The following SEM1 variants were observed in gnomAD, a reference collection of about 807,000 sequenced individuals.
The protein encoded by SEM1 is SEM1 26S proteasome subunit.
SEM1 carries 3 observed loss-of-function variants against 12.7 expected under a neutral mutation model. The ratio of observed to expected loss-of-function variants is 0.24; its 90% CI spans 0.11 to 0.61. The LOEUF is 0.61. Ranked by LOEUF, SEM1 falls within the 20% of genes least tolerant of loss-of-function variation. The probability of loss-of-function intolerance (pLI) is 0.88; values close to 1 mark genes in which losing one functional copy is unlikely to be tolerated. For synonymous variants in SEM1, 30 were observed against 27.8 expected (o/e 1.08, Z -0.25); for missense variants, 59 against 81.3 (o/e 0.73, Z 1.06).
At chr7:96,703,654 T>C (rs1790341972) in intron 1 of SEM1, among the ~76,000 whole-genome samples, 1 of 151,996 alleles carries the variant, frequency 6.6e-6, no homozygotes, top group Non-Finnish European at 1.5e-5. Flanking sequence ...TTCCATTTTT[T>C]TTTTTTCTTT....
chr7:96,654,002 T>C (rs1809091005), intron 2 of SEM1, among the ~76,000 whole-genome samples: 1 of 152,224 alleles, frequency 6.6e-6, no homozygotes, highest in Non-Finnish European at 1.5e-5. Flanking sequence ...TACAGAGAGT[T>C]GTAAACATTC....
rs765525854 is a variant in SEM1 at position 96,680,468 on chromosome 7, CAG to C, written c.171-6611_171-6610del. Reference sequence around the variant, plus strand: ...GAAATACACAATGTTACATTGTAAACAGGGGTGTGCCGGCCCAGGCAAAGATG... The same window carrying C: ...GAAATACACAATGTTACATTGTAAACGGGTGTGCCGGCCCAGGCAAAGATG... On this transcript the variant is annotated intron_variant, in intron 2 of 2. Transcript: ENST00000413065. 2.6e-5 allele frequency among the ~76,000 whole-genome samples: 4 copies of C among 151,976 alleles called. No homozygotes were observed. In the East Asian group the frequency reaches 7.7e-4, roughly 29 times the overall value.
chr7:96,665,520 GAA>G (rs1369468008), intron 2 of SEM1, among the ~76,000 whole-genome samples: 3 of 152,160 alleles, frequency 2.0e-5, no homozygotes, highest in Non-Finnish European at 4.4e-5. Flanking sequence ...TTTATAAATA[GAA>G]AAATACTCTT....
intron 2 of SEM1, among the ~76,000 whole-genome samples, chr7:96,531,720 A>C (rs1055427445): frequency 6.6e-6 from 1 of 152,138 alleles, no homozygotes; most frequent in Non-Finnish European, 1.5e-5. Flanking sequence ...GAACATGTAG[A>C]TGCTCAGTGT....
chr7:96,528,956 A>G (rs535659581), intron 2 of SEM1, among the ~76,000 whole-genome samples: 1 of 152,156 alleles, frequency 6.6e-6, no homozygotes, highest in Non-Finnish European at 1.5e-5. Flanking sequence ...ATTTAATGCA[A>G]TTTACCCAAA....
downstream of SEM1, among the ~76,000 whole-genome samples, chr7:96,686,265 A>C (rs1489107652): frequency 1.3e-5 from 2 of 152,136 alleles, no homozygotes; most frequent in Non-Finnish European, 2.9e-5. Flanking sequence ...ATGTGTTTTT[A>C]TCATCCTGAT....
chr7:96,595,170 T>G (rs1485892405), intron 2 of SEM1, among the ~76,000 whole-genome samples: 1 of 152,176 alleles, frequency 6.6e-6, no homozygotes, highest in Non-Finnish European at 1.5e-5. Flanking sequence ...AATATTTTTT[T>G]TAATCAATGA....
chr7:96,675,637 A>G (rs968822980), intron 2 of SEM1, among the ~76,000 whole-genome samples: 6 of 152,168 alleles, frequency 3.9e-5, no homozygotes, highest in African/African-American at 1.2e-4. Flanking sequence ...GGAGGACACT[A>G]AGTGCCAGCT....
intron 2 of SEM1, among the ~76,000 whole-genome samples, chr7:96,603,160 C>T (rs1807242642): frequency 6.6e-6 from 1 of 152,150 alleles, no homozygotes. Context: ...ATATGCTGGG[C>T]TGCCTGGCTT....
At chr7:96,616,861 A>G (rs1471398530) in intron 2 of SEM1, among the ~76,000 whole-genome samples, 3 of 151,948 alleles carry the variant, frequency 2.0e-5, no homozygotes, top group South Asian at 4.1e-4. Context: ...TGTTGTAATT[A>G]TATGTCTTTA....
chr7:96,565,133 C>CT (rs1396003054), intron 2 of SEM1, among the ~76,000 whole-genome samples: 8 of 151,898 alleles, frequency 5.3e-5, no homozygotes, highest in African/African-American at 1.4e-4. Flanking sequence ...ATCTGGTGGC[C>CT]TTTAGGGTTT....
At chr7:96,661,177 C>T (rs1040145551) in intron 2 of SEM1, among the ~76,000 whole-genome samples, 1 of 152,076 alleles carries the variant, frequency 6.6e-6, no homozygotes, top group African/African-American at 2.4e-5. Context: ...GGATTCACAC[C>T]CAGGTAGTCT....
intron 2 of SEM1, among the ~76,000 whole-genome samples, chr7:96,577,453 T>A (rs1806244094): frequency 6.6e-6 from 1 of 152,034 alleles, no homozygotes; most frequent in African/African-American, 2.4e-5. Context: ...AAATTATTTA[T>A]AATTCATAAT....
At chr7:96,634,827 A>T (rs1808380766) in intron 2 of SEM1, among the ~76,000 whole-genome samples, 1 of 152,010 alleles carries the variant, frequency 6.6e-6, no homozygotes, top group Non-Finnish European at 1.5e-5. Flanking sequence ...TGTGAGGTTG[A>T]CAGGAGTTAG....
chr7:96,546,091 G>T (rs984049414), intron 2 of SEM1, among the ~76,000 whole-genome samples: 1 of 152,194 alleles, frequency 6.6e-6, no homozygotes, highest in Admixed American at 6.6e-5. Flanking sequence ...TGATTTCTTG[G>T]AGAGGGGGTT....
intron 2 of SEM1, among the ~76,000 whole-genome samples, chr7:96,590,678 A>G (rs1806801810): frequency 6.6e-6 from 1 of 152,240 alleles, no homozygotes; most frequent in Non-Finnish European, 1.5e-5. Context: ...GAAAACTAGC[A>G]ACATAATTTG....
chr7:96,552,304 T>G (rs1805307471), intron 2 of SEM1, among the ~76,000 whole-genome samples: 1 of 152,110 alleles, frequency 6.6e-6, no homozygotes, highest in East Asian at 1.9e-4. Flanking sequence ...ACTCGTCATC[T>G]AGCATTAGGT....
intron 2 of SEM1, among the ~76,000 whole-genome samples, chr7:96,617,461 A>G (rs1475065779): frequency 1.3e-5 from 2 of 152,162 alleles, no homozygotes; most frequent in African/African-American, 4.8e-5. Flanking sequence ...GGGTTTCTAG[A>G]TATAATAACA....
At position 96,536,274 on chromosome 7, in the gene SEM1, A is replaced by G. The variant is rs114131233; in HGVS notation, c.171-29576T>C. On this transcript the variant is annotated intron_variant and NMD_transcript_variant, in intron 2 of 3. Transcript: ENST00000466986. ...TGTTACCGGTTTCTGGTTTTATTCT[A>G]TTGTGATTTGAGAACATACTTTTTA... Among the ~76,000 whole-genome samples, 436 of 151,658 alleles carry G rather than the reference A, an allele frequency of 2.9e-3. 1 individual carries two copies. Among genetic ancestry groups the G allele is most frequent in the African/African-American group, 1.0e-2 (413 of 41,430 alleles).
Sources: gnomAD v4.1 joint callset for allele counts (sites outside exome capture counted in the v4.1 genomes callset) on GRCh38, gnomAD v4.1.1 for gene constraint, MANE v1.5 for transcripts, NCBI Gene and HGNC (gene_info 2026-07-23, HGNC 2026-07-21) for gene names.